Variants in PPP1R26 observed in about 807,000 individuals in gnomAD.
The protein encoded by PPP1R26 is 1A6/DRIM (down-regulated in metastasis) interacting protein.
In PPP1R26, 22 loss-of-function variants were observed where a neutral mutation model predicts 67.6. The observed-to-expected ratio is 0.33, with a 90% CI of 0.23 to 0.46. The LOEUF is 0.46. PPP1R26 is among the 20% of genes least tolerant of loss of function. PPP1R26 has a pLI of 1.00. For synonymous variants in PPP1R26, 729 were observed against 717.2 expected (o/e 1.02, Z -0.26); for missense variants, 1,602 against 1,651.4 (o/e 0.97, Z 0.52).
At position 135,488,146 on chromosome 9, in the gene PPP1R26, C is replaced by G. The variant is rs767133883; in HGVS notation, c.*6C>G. The G allele has an allele frequency of 3.1e-5, 46 of 1,498,266 alleles. No individual in the cohort carries two copies. Among genetic ancestry groups the G allele is most frequent in the Non-Finnish European group, 4.0e-5 (45 of 1,124,908 alleles). 92.8% of individuals were successfully genotyped at this position (1,498,266 alleles called of 1,614,324 possible). A position where few individuals can be genotyped will look rare whatever the true frequency, so the allele number is the denominator to read the frequency against. On this transcript the variant is annotated 3_prime_UTR_variant, in exon 4 of 4. Transcript: ENST00000356818. ...GCTCAGTAGTGAAGGTCTAAGCCCT[C>G]GAGCTGTGGGTTCGCGTCCTGGGTT...
chr9:135,479,566 G>T, upstream of PPP1R26: 1 of 146,354 alleles, frequency 6.8e-6, no homozygotes, highest in South Asian at 2.0e-4. The surrounding 1 kb of genome is among the most constrained non-coding windows in gnomAD (Gnocchi z 5.9). Context: ...GGCGGGGCGG[G>T]GGCGTCCCCG....
At position 135,485,366 on chromosome 9, in the gene PPP1R26, G is replaced by A. The variant is rs756924041; in HGVS notation, c.856G>A (p.Glu286Lys). The A allele has an allele frequency of 6.2e-7, 1 of 1,612,884 alleles. No homozygotes were observed. Among genetic ancestry groups the A allele is most frequent in the South Asian group, 1.1e-5 (1 of 91,058 alleles). The change falls in exon 4 of 4, where the codon GAG becomes AAG. Residue 286 changes from glutamate to lysine, a missense_variant. Glu to Lys is a moderately conservative substitution (Grantham distance 56). Coordinates refer to ENST00000356818, the MANE Select transcript of PPP1R26 (RefSeq NM_014811.5). This position sits in a 1 kb window ranked among gnomAD's most constrained non-coding sequence, Gnocchi z 7.2. ...HRQGLLGVQKEFAFRKPPRLA... is the reference protein window; with the variant it reads ...HRQGLLGVQKKFAFRKPPRLA... ...GCAGGGCCTGCTGGGCGTCCAGAAGGAGTTTGCCTTCCGCAAACCTCCCCG... is the reference window on the plus strand; with the variant it reads ...GCAGGGCCTGCTGGGCGTCCAGAAGAAGTTTGCCTTCCGCAAACCTCCCCG...
At position 135,486,654 on chromosome 9, in the gene PPP1R26, G is replaced by C; in HGVS notation, c.2144G>C (p.Arg715Thr). The C allele has an allele frequency of 6.2e-7, 1 of 1,610,532 alleles. No homozygotes were observed. The change falls in exon 4 of 4, where the codon AGG (arginine) becomes ACG (threonine). Residue 715 changes from arginine (R) to threonine (T), a missense_variant. Transcript: ENST00000356818. This position sits in a 1 kb window ranked among gnomAD's most constrained non-coding sequence, Gnocchi z 6.2. ...CTCAAGAAGAGGTGCAGGGAGCCCA[G>C]GGCTGCGTGCAGGAAGAAGGTCAGG... Reference protein sequence around the residue: ...RKLKKRCREPRAACRKKVRFS... With the variant: ...RKLKKRCREPTAACRKKVRFS...
At position 135,485,611 on chromosome 9, in the gene PPP1R26, C is replaced by T; in HGVS notation, c.1101C>T (p.Gly367=). The part of the protein sequence containing the change: ...SEASDSSSDD[G]IEEAIQLYQL... ...CGTCCGACTCCAGCAGCGACGATGGCATTGAGGAGGCCATCCAGCTGTACC... is the reference window on the plus strand; with the variant it reads ...CGTCCGACTCCAGCAGCGACGATGGTATTGAGGAGGCCATCCAGCTGTACC... The change falls in exon 4 of 4, where the codon GGC becomes GGT. Residue 367 remains glycine, a synonymous_variant. Coordinates refer to ENST00000356818, the MANE Select transcript of PPP1R26 (RefSeq NM_014811.5). This position sits in a 1 kb window ranked among gnomAD's most constrained non-coding sequence, Gnocchi z 7.2. 6.2e-7 allele frequency: 1 copy of T among 1,613,030 alleles called. No homozygotes were observed. The highest frequency in any genetic ancestry group is 2.2e-5 in the East Asian group (1 of 44,902).
At chr9:135,483,648 A>C (rs916026452) in intron 2 of PPP1R26, 4 of 222,010 alleles carry the variant, frequency 1.8e-5, no homozygotes, top group Non-Finnish European at 3.5e-5. Flanking sequence ...TCCTCCCTGC[A>C]GTGGCAATCC....
chr9:135,485,339 C>G lies in PPP1R26; in HGVS notation c.829C>G (p.Arg277Gly). The G allele has an allele frequency of 6.2e-7, 1 of 1,612,882 alleles. No individual in the cohort carries two copies. Among genetic ancestry groups the G allele is most frequent in the African/African-American group, 1.3e-5 (1 of 75,036 alleles). Residue 277 changes from arginine to glycine, a missense_variant, in exon 4 of 4, where the codon CGG becomes GGG. By Grantham distance (125) the Arg-to-Gly change is moderately radical. This residue lies in a region of PPP1R26 where 680 missense variants were observed against 726.1 expected (regional missense o/e 0.94). Transcript: ENST00000356818. This position sits in a 1 kb window ranked among gnomAD's most constrained non-coding sequence, Gnocchi z 7.2. ...HQEPPTKVVH[R>G]QGLLGVQKEF... Reference sequence around the variant, plus strand: ...AGAGCCGCCTACAAAGGTGGTGCATCGGCAGGGCCTGCTGGGCGTCCAGAA... The same window carrying G: ...AGAGCCGCCTACAAAGGTGGTGCATGGGCAGGGCCTGCTGGGCGTCCAGAA...
In PPP1R26 at chr9:135,485,503, A is replaced by G. The variant is rs765781609; in HGVS notation, c.993A>G (p.Ala331=). The change falls in exon 4 of 4, where the codon GCA becomes GCG. Residue 331 remains alanine, a synonymous_variant. Coordinates refer to ENST00000356818, the MANE Select transcript of PPP1R26 (RefSeq NM_014811.5). The surrounding 1 kb of genome is among the most constrained non-coding windows in gnomAD (Gnocchi z 7.2). ...PATPCRPSEA[A]QNKGGIKRSA... Reference sequence around the variant, plus strand: ...CCCCCTGCCGCCCTTCAGAAGCAGCACAGAATAAAGGTGGGATCAAAAGGA... The same window carrying G: ...CCCCCTGCCGCCCTTCAGAAGCAGCGCAGAATAAAGGTGGGATCAAAAGGA... 1 of 1,613,160 alleles carries G rather than the reference A, an allele frequency of 6.2e-7. No homozygotes were observed. The highest frequency in any genetic ancestry group is 1.3e-5 in the African/African-American group (1 of 75,066).
chr9:135,484,368 G>C, intron 3 of PPP1R26, 81 bp from the exon 4 acceptor site: 1 of 784,258 alleles, frequency 1.3e-6, no homozygotes, highest in East Asian at 2.7e-5. Context: ...CCGACATGCT[G>C]TTCCTCTGGG....
In PPP1R26 at chr9:135,488,103, C is replaced by T. The variant is rs201592205; in HGVS notation, c.3593C>T (p.Thr1198Met). 1.7e-4 allele frequency: 266 copies of T among 1,546,294 alleles called. 1 individual carries two copies. Among genetic ancestry groups the T allele is most frequent in the South Asian group, 3.4e-4 (27 of 79,478 alleles). ...GCCAGTGACTTCAGCGACACCTCCA[C>T]GGAGGACAGTGGCGGCAGCTCAGTA... ...SDASDFSDTSTEDSGGSSVVK... is the reference protein window; with the variant it reads ...SDASDFSDTSMEDSGGSSVVK... The change falls in exon 4 of 4, where the codon ACG becomes ATG. Residue 1198 changes from threonine (T) to methionine (M), a missense_variant. Transcript: ENST00000356818.
In PPP1R26 at chr9:135,488,182, G is replaced by A. The variant is rs1299390361; in HGVS notation, c.*42G>A. The A allele has an allele frequency of 9.4e-6, 14 of 1,485,532 alleles. No individual in the cohort carries two copies. The highest frequency in any genetic ancestry group is 2.6e-5 in the Admixed American group (1 of 39,206). 92.0% of individuals were successfully genotyped at this position (1,485,532 alleles called of 1,614,324 possible). A position where few individuals can be genotyped will look rare whatever the true frequency, so the allele number is the denominator to read the frequency against. On this transcript the variant is annotated 3_prime_UTR_variant, in exon 4 of 4. Coordinates refer to ENST00000356818, the MANE Select transcript of PPP1R26 (RefSeq NM_014811.5). ...TTCGCGTCCTGGGTTGCGTGCATTC[G>A]TGGAAAGCGGCGTAGCCGTGCGTGT...
upstream of PPP1R26, among the ~76,000 whole-genome samples, chr9:135,479,462 G>A (rs893723216): frequency 3.3e-5 from 5 of 150,858 alleles, no homozygotes; most frequent in South Asian, 4.2e-4. The surrounding 1 kb of genome is among the most constrained non-coding windows in gnomAD (Gnocchi z 5.9). Context: ...CCCGGAGGTG[G>A]CCGCGGTACG....
upstream of PPP1R26, chr9:135,479,769 C>CCGCCCCGCCCCT (rs1292507364): frequency 6.9e-6 from 1 of 144,376 alleles, no homozygotes; most frequent in Admixed American, 6.8e-5. This position sits in a 1 kb window ranked among gnomAD's most constrained non-coding sequence, Gnocchi z 5.9. Context: ...GCCCCGCCCC[C>CCGCCCCGCCCCT]CGCCCCGCCC....
chr9:135,480,071 G>A (rs1211476475), intron 1 of PPP1R26, 49 bp downstream of exon 1: 1 of 147,816 alleles, frequency 6.8e-6, no homozygotes, highest in African/African-American at 2.5e-5. Context: ...CTGGGAAGCT[G>A]GGGGGTCGGG....
Position 135,484,297 on chromosome 9 carries a change from G to A in PPP1R26, c.-62-152G>A, listed in dbSNP as rs552466270. Reference sequence around the variant, plus strand: ...GAGGCCCCAGGAGCATGAGTAAGTCGTGCAAGGACACCCAGCTAGCTGGAC... The same window carrying A: ...GAGGCCCCAGGAGCATGAGTAAGTCATGCAAGGACACCCAGCTAGCTGGAC... On this transcript the variant is annotated intron_variant, in intron 3 of 3. Coordinates refer to ENST00000356818, the MANE Select transcript of PPP1R26 (RefSeq NM_014811.5). The A allele has an allele frequency of 2.4e-3, 1,374 of 574,912 alleles. 6 individuals carry two copies. The highest frequency in any genetic ancestry group is 0.014 in the Middle Eastern group (30 of 2,180). The allele number at this position is 574,912 out of a possible 1,614,324, so 35.6% of individuals were successfully genotyped here. A position where few individuals can be genotyped will look rare whatever the true frequency, so the allele number is the denominator to read the frequency against.
Position 135,487,992 on chromosome 9 carries a change from C to T in PPP1R26, c.3482C>T (p.Ser1161Leu), listed in dbSNP as rs767681225. 18 of 1,609,876 alleles carry T rather than the reference C, an allele frequency of 1.1e-5. No homozygotes were observed. The highest frequency in any genetic ancestry group is 2.2e-5 in the East Asian group (1 of 44,722). Residue 1161 changes from serine (S) to leucine (L), a missense_variant, in exon 4 of 4, where the codon TCG becomes TTG. By Grantham distance (145) the Ser-to-Leu change is moderately radical. Around this residue, in one of 5 missense-constraint regions of PPP1R26, gnomAD observed 740 missense variants for 696.3 expected, o/e 1.06. Coordinates refer to ENST00000356818, the MANE Select transcript of PPP1R26 (RefSeq NM_014811.5). ...CTGAGTTTGCATGACAGGAGGAGCT[C>T]GGGCTCGGAGGAAAGCATTTTAGAC... ...AGLSLHDRRS[S>L]GSEESILDLR...
At position 135,479,812 on chromosome 9, in the gene PPP1R26, G is replaced by GGCGCGGGGCGGCGGCAGCGGCGGC. The variant is rs1275674121; in HGVS notation, c.-530_-507dup. The GGCGCGGGGCGGCGGCAGCGGCGGC allele has an allele frequency of 1.4e-5, 2 of 144,964 alleles. No individual in the cohort carries two copies. The highest frequency in any genetic ancestry group is 4.2e-4 in the South Asian group (2 of 4,778). 9.0% of individuals were successfully genotyped at this position (144,964 alleles called of 1,614,324 possible). On this transcript the variant is annotated 5_prime_UTR_variant, in exon 1 of 4. Coordinates refer to ENST00000356818, the MANE Select transcript of PPP1R26 (RefSeq NM_014811.5). This position sits in a 1 kb window ranked among gnomAD's most constrained non-coding sequence, Gnocchi z 5.9. ...CCCGCGCTTCCCACGGCGCGGCCCG[G>GGCGCGGGGCGGCGGCAGCGGCGGC]GCGCGGGGCGGCGGCAGCGGCGGCG...
Position 135,487,524 on chromosome 9 carries a change from G to C in PPP1R26, c.3014G>C (p.Ser1005Thr). 1.2e-6 allele frequency: 2 copies of C among 1,600,574 alleles called. No individual in the cohort carries two copies. The highest frequency in any genetic ancestry group is 1.7e-6 in the Non-Finnish European group (2 of 1,174,692). ...GTFHMGCGSPSFLTPSPGAER... is the reference protein window; with the variant it reads ...GTFHMGCGSPTFLTPSPGAER... ...TTTCACATGGGCTGCGGGAGCCCGA[G>C]CTTCCTGACCCCCAGCCCGGGAGCG... The change falls in exon 4 of 4, where the codon AGC becomes ACC. Residue 1005 changes from serine to threonine, a missense_variant. Ser to Thr is a moderately conservative substitution (Grantham distance 58). Transcript: ENST00000356818.
Position 135,486,666 on chromosome 9 carries a change from G to C in PPP1R26, c.2156G>C (p.Arg719Thr). Reference sequence around the variant, plus strand: ...TGCAGGGAGCCCAGGGCTGCGTGCAGGAAGAAGGTCAGGTTCAGCACAGCC... The same window carrying C: ...TGCAGGGAGCCCAGGGCTGCGTGCACGAAGAAGGTCAGGTTCAGCACAGCC... ...KRCREPRAAC[R>T]KKVRFSTAQT... Residue 719 changes from arginine to threonine, a missense_variant, in exon 4 of 4, where the codon AGG becomes ACG. Around this residue, in one of 5 missense-constraint regions of PPP1R26, gnomAD observed 740 missense variants for 696.3 expected, o/e 1.06. Coordinates refer to ENST00000356818, the MANE Select transcript of PPP1R26 (RefSeq NM_014811.5). The surrounding 1 kb of genome is among the most constrained non-coding windows in gnomAD (Gnocchi z 6.2). 1 of 1,608,442 alleles carries C rather than the reference G, an allele frequency of 6.2e-7. No homozygotes were observed.
At chr9:135,480,081 G>T in intron 1 of PPP1R26, 59 bp downstream of exon 1, 1 of 148,522 alleles carries the variant, frequency 6.7e-6, no homozygotes, top group South Asian at 1.9e-4. Context: ...GGGGGGTCGG[G>T]GACAGGAGGG....
Sources: allele counts gnomAD v4.1 joint callset (sites outside exome capture counted in the v4.1 genomes callset), GRCh38; gene constraint gnomAD v4.1.1; regional missense constraint gnomAD v4.1.1; non-coding constraint Gnocchi (gnomAD v3.1); transcripts MANE v1.5; gene names NCBI Gene and HGNC (gene_info 2026-07-23, HGNC 2026-07-21).